ENTPD3: variants seen among roughly 807,000 people sequenced by gnomAD.
ENTPD3 encodes the protein ectonucleoside triphosphate diphosphohydrolase 3.
A neutral mutation model predicts 51.2 loss-of-function variants in ENTPD3; 60 were observed. The observed-to-expected ratio is 1.17, with a 90% CI of 0.95 to 1.45. The LOEUF is 1.45. Among genes scored for constraint, ENTPD3 ranks in the 40% most tolerant of loss-of-function variants. The probability of loss-of-function intolerance (pLI) is 0.00; values close to 1 mark genes in which losing one functional copy is unlikely to be tolerated. For synonymous variants in ENTPD3, 221 were observed against 238.4 expected, an observed-to-expected ratio of 0.93 and a Z score of 0.67; for missense variants, 593 against 641.1, an observed-to-expected ratio of 0.93 and a Z score of 0.81.
chr3:40,408,154 T>C (rs1401545211), intron 4 of ENTPD3, among the ~76,000 whole-genome samples: 1 of 152,108 alleles, frequency 6.6e-6, no homozygotes, highest in African/African-American at 2.4e-5. Flanking sequence ...TTAAAAAACA[T>C]CCAAATGCAC....
chr3:40,422,728 G>A, intron 7 of ENTPD3, 122 bp from the exon 8 acceptor site: 1 of 762,446 alleles, frequency 1.3e-6, no homozygotes, highest in South Asian at 1.8e-5. Flanking sequence ...TGGTGTATAT[G>A]TGCCATATTT....
intron 4 of ENTPD3, among the ~76,000 whole-genome samples, chr3:40,408,110 A>AG (rs1369754228): frequency 1.3e-5 from 2 of 152,168 alleles, no homozygotes; most frequent in African/African-American, 4.8e-5. Flanking sequence ...GCAAGATAAA[A>AG]GGGGGGCAGG....
intron 3 of ENTPD3, 105 bp from the exon 4 acceptor site, chr3:40,400,789 G>A (rs9875245): frequency 3.4e-4 from 261 of 777,942 alleles, no homozygotes; most frequent in African/African-American, 2.6e-3. Context: ...TTCCCTAAGC[G>A]AAGCAGTGTG....
chr3:40,391,659 G>C (rs1283686025), intron 2 of ENTPD3: 1 of 251,120 alleles, frequency 4.0e-6, no homozygotes. Flanking sequence ...CTGGGCGATA[G>C]AGTGAGACTC....
intron 5 of ENTPD3, 135 bp from the exon 6 acceptor site, chr3:40,414,546 A>T: frequency 1.1e-6 from 1 of 951,370 alleles, no homozygotes; most frequent in Non-Finnish European, 1.6e-6. Context: ...TGTGGTGTAC[A>T]GCACACATCT....
At chr3:40,401,929 C>T (rs1254985545) in intron 4 of ENTPD3, among the ~76,000 whole-genome samples, 51 of 151,854 alleles carry the variant, frequency 3.4e-4, no homozygotes, top group Admixed American at 3.3e-3. Flanking sequence ...TAACTGTTTC[C>T]TTGTTCTTTA....
Position 40,411,974 on chromosome 3 carries a change from G to A in ENTPD3, c.437+12G>A, listed in dbSNP as rs1317147799. The A allele has an allele frequency of 1.2e-6, 2 of 1,606,172 alleles. No homozygotes were observed. Among genetic ancestry groups the A allele is most frequent in the East Asian group, 2.2e-5 (1 of 44,558 alleles). ...ATGCGCTTGCTGAGGTAAAGGCTAA[G>A]TGGCACAAAGGAGCCCATTTGACCA... is the stretch of plus-strand genomic sequence containing the variant. On this transcript the variant is annotated intron_variant, in intron 5 of 10. Transcript: ENST00000301825.
At chr3:40,388,574 A>G (rs1165499242) in intron 2 of ENTPD3, among the ~76,000 whole-genome samples, 1 of 77,398 alleles carries the variant, frequency 1.3e-5, no homozygotes, top group African/African-American at 3.6e-5. Context: ...ACTGGAAGGC[A>G]CACACACACA....
At chr3:40,424,603 A>G (rs2125612990) in intron 10 of ENTPD3, among the ~76,000 whole-genome samples, 1 of 152,182 alleles carries the variant, frequency 6.6e-6, no homozygotes, top group Non-Finnish European at 1.5e-5. Context: ...ACATATATAT[A>G]TATGATGGTC....
chr3:40,427,181 G>A, intron 10 of ENTPD3, 91 bp from the exon 11 acceptor site: 1 of 1,045,908 alleles, frequency 9.6e-7, no homozygotes, highest in South Asian at 1.4e-5. Flanking sequence ...TCCCATGGGA[G>A]CTTTGTGAGG....
intron 10 of ENTPD3, chr3:40,424,262 G>C (rs531240793): frequency 3.9e-5 from 24 of 620,574 alleles, no homozygotes; most frequent in Non-Finnish European, 4.4e-5. Context: ...ACAAGGAATA[G>C]AGCCTAGAAG....
At chr3:40,406,246 G>A (rs1955493169) in intron 4 of ENTPD3, among the ~76,000 whole-genome samples, 1 of 152,098 alleles carries the variant, frequency 6.6e-6, no homozygotes, top group Admixed American at 6.5e-5. Context: ...GCTGAGCAGA[G>A]GCATGGCAAG....
At chr3:40,414,895 G>T in intron 6 of ENTPD3, 55 bp downstream of exon 6, 1 of 1,574,512 alleles carries the variant, frequency 6.4e-7, no homozygotes, top group South Asian at 1.1e-5. Flanking sequence ...TATCCCCTGT[G>T]AGTGATAGCC....
chr3:40,408,974 C>T lies in ENTPD3; in HGVS notation c.287-2838C>T, dbSNP rs980714362. ...ATTTTTATATTAAAAATTATTCATA[C>T]AGGCTGGGTGCAGTGGCTCACTCCT... On this transcript the variant is annotated intron_variant, in intron 4 of 10. Transcript: ENST00000301825. 3.9e-5 allele frequency among the ~76,000 whole-genome samples: 6 copies of T among 152,038 alleles called. No homozygotes were observed. The East Asian group carries it at 1.2e-3, about 29-fold the overall frequency.
intron 10 of ENTPD3, among the ~76,000 whole-genome samples, chr3:40,426,479 T>C (rs1955988136): frequency 6.6e-6 from 1 of 152,032 alleles, no homozygotes; most frequent in Non-Finnish European, 1.5e-5. Flanking sequence ...AATTTAAAAG[T>C]AAGATATTAG....
chr3:40,417,050 T>C (rs996369482), intron 7 of ENTPD3, among the ~76,000 whole-genome samples: 6 of 152,006 alleles, frequency 3.9e-5, no homozygotes, highest in Admixed American at 6.6e-5. Context: ...GCAGGGTAGG[T>C]TGTGGGAACT....
At chr3:40,415,168 G>C (rs1955718096) in intron 6 of ENTPD3, among the ~76,000 whole-genome samples, 2 of 152,048 alleles carry the variant, frequency 1.3e-5, no homozygotes, top group Admixed American at 1.3e-4. Flanking sequence ...CCTTCAGAGA[G>C]GCTCCATGAC....
chr3:40,389,997 G>GC (rs1955017643), intron 2 of ENTPD3, among the ~76,000 whole-genome samples: 1 of 152,156 alleles, frequency 6.6e-6, no homozygotes, highest in African/African-American at 2.4e-5. Flanking sequence ...GTAGCCACTA[G>GC]CCCACATGTG....
rs1411538610 is a variant in ENTPD3 at position 40,427,665 on chromosome 3, C to G, written c.*157C>G. 1 of 627,042 alleles carries G rather than the reference C, an allele frequency of 1.6e-6. No homozygotes were observed. Among genetic ancestry groups the G allele is most frequent in the Non-Finnish European group, 2.8e-6 (1 of 351,798 alleles). The allele number at this position is 627,042 out of a possible 1,614,324, so 38.8% of individuals were successfully genotyped here. On this transcript the variant is annotated 3_prime_UTR_variant, in exon 11 of 11. Transcript: ENST00000301825. ...CAAATACTGATTTCTGCCACAGCAC[C>G]TCTTGAGGCATCCCTTGGCTATTCT...
Sources: allele counts gnomAD v4.1 joint callset (sites outside exome capture counted in the v4.1 genomes callset), GRCh38; gene constraint gnomAD v4.1.1; transcripts MANE v1.5; gene names NCBI Gene and HGNC (gene_info 2026-07-23, HGNC 2026-07-21).